The following PAMR1 variants were observed in gnomAD, a reference collection of about 807,000 sequenced individuals.
The protein encoded by PAMR1 is peptidase domain containing associated with muscle regeneration 1, also known as inactive serine protease PAMR1.
In PAMR1, 88 loss-of-function variants were observed where a neutral mutation model predicts 81.8. The ratio of observed to expected loss-of-function variants is 1.08; its 90% CI spans 0.91 to 1.28. PAMR1 has a LOEUF of 1.28. Ranked by LOEUF, PAMR1 falls within the 50% of genes most tolerant of loss-of-function variation. The probability of loss-of-function intolerance (pLI) is 0.00; values close to 1 mark genes in which losing one functional copy is unlikely to be tolerated. For missense variants in PAMR1, 935 were observed against 919.7 expected (o/e 1.02, Z -0.21); for synonymous variants, 336 against 345.3 (o/e 0.97, Z 0.30).
chr11:35,480,232 C>A (rs1565345257), intron 3 of PAMR1, among the ~76,000 whole-genome samples: 3 of 152,208 alleles, frequency 2.0e-5, no homozygotes, highest in African/African-American at 7.2e-5. Flanking sequence ...AGCCCCTCCC[C>A]ACCACCCCAT....
At chr11:35,469,925 A>C (rs1371617948) in intron 5 of PAMR1, among the ~76,000 whole-genome samples, 1 of 152,114 alleles carries the variant, frequency 6.6e-6, no homozygotes, top group Non-Finnish European at 1.5e-5. Flanking sequence ...GTTTGGTCAA[A>C]TCCTACTTCC....
chr11:35,525,703 G>C (rs1306111356), upstream of PAMR1: 20 of 794,420 alleles, frequency 2.5e-5, no homozygotes, highest in Non-Finnish European at 4.0e-5. Context: ...GGGAGCTCGG[G>C]TTTCAGCTCG....
At chr11:35,496,213 A>G (rs999122556) in intron 1 of PAMR1, among the ~76,000 whole-genome samples, 1 of 152,246 alleles carries the variant, frequency 6.6e-6, no homozygotes, top group Non-Finnish European at 1.5e-5. Context: ...GGATTTGGCT[A>G]TGGATTCTTA....
At chr11:35,497,645 G>A (rs542325570) in intron 1 of PAMR1, among the ~76,000 whole-genome samples, 2 of 152,116 alleles carry the variant, frequency 1.3e-5, no homozygotes, top group South Asian at 2.1e-4. Flanking sequence ...TCCCTTCATT[G>A]TACATTTATA....
Position 35,484,511 on chromosome 11 carries a change from A to G in PAMR1, c.379+7534T>C, listed in dbSNP as rs560017110. Among the ~76,000 whole-genome samples, 14 of 151,852 alleles carry G rather than the reference A, an allele frequency of 9.2e-5. No homozygotes were observed. The South Asian group carries it at 2.9e-3, about 32-fold the overall frequency. On this transcript the variant is annotated intron_variant, in intron 3 of 10. Transcript: ENST00000619888. ...ACACAGCTTTGTAAGCCTTCTCCCCACTCCCCTTAAGTTTGCTCTTAATCA... is the reference window on the plus strand; with the variant it reads ...ACACAGCTTTGTAAGCCTTCTCCCCGCTCCCCTTAAGTTTGCTCTTAATCA...
At position 35,479,833 on chromosome 11, in the gene PAMR1, G is replaced by A. The variant is rs894071385; in HGVS notation, c.380-5089C>T. On this transcript the variant is annotated intron_variant, in intron 3 of 10. Transcript: ENST00000619888. ...AAGTTATTTATCCCTCTGTGCCTGA[G>A]TGTCTTCATCTGTCACATGGCTGTG... 3.3e-5 allele frequency among the ~76,000 whole-genome samples: 5 copies of A among 152,236 alleles called. No individual in the cohort carries two copies. In the South Asian group the frequency reaches 8.3e-4, roughly 25 times the overall value.
intron 1 of PAMR1, among the ~76,000 whole-genome samples, chr11:35,508,551 T>G (rs2135416060): frequency 7.1e-6 from 1 of 140,922 alleles, no homozygotes; most frequent in South Asian, 2.3e-4. Context: ...TACTTTTACT[T>G]CAGGTTCAGG....
In PAMR1 at chr11:35,434,767, G is replaced by A. The variant is rs1207547117; in HGVS notation, c.1371C>T (p.Thr457=). The A allele has an allele frequency of 1.9e-6, 3 of 1,613,884 alleles. No individual in the cohort carries two copies. Among genetic ancestry groups the A allele is most frequent in the Non-Finnish European group, 2.5e-6 (3 of 1,179,996 alleles). ...CCTGCCACGGCCAGCGCAACCCTTG[G>A]GTCTTTGGAGCAGTGATGTTCTCAA... ...GKIENITAPK[T]QGLRWPWQAA... Residue 457 remains threonine (T), a synonymous_variant, in exon 10 of 11, where the codon ACC becomes ACT. Coordinates refer to ENST00000619888, the MANE Select transcript of PAMR1 (RefSeq NM_001001991.3).
At chr11:35,484,254 C>T (rs1024891801) in intron 3 of PAMR1, among the ~76,000 whole-genome samples, 5 of 152,218 alleles carry the variant, frequency 3.3e-5, no homozygotes, top group Non-Finnish European at 7.3e-5. Context: ...AACTGAGATT[C>T]ACAAAGATTG....
intron 6 of PAMR1, among the ~76,000 whole-genome samples, chr11:35,466,492 C>A (rs559159852): frequency 6.6e-6 from 1 of 152,056 alleles, no homozygotes. Flanking sequence ...CTTTGGGAGG[C>A]CGAGGCGGGT....
intron 1 of PAMR1, among the ~76,000 whole-genome samples, chr11:35,497,973 T>C (rs553635544): frequency 6.6e-6 from 1 of 152,280 alleles, no homozygotes; most frequent in Non-Finnish European, 1.5e-5. Context: ...GGCCACAGGA[T>C]GGAAATAAAC....
At chr11:35,482,904 C>T (rs1850424759) in intron 3 of PAMR1, among the ~76,000 whole-genome samples, 4 of 152,152 alleles carry the variant, frequency 2.6e-5, no homozygotes, top group African/African-American at 9.6e-5. Flanking sequence ...TTCATGTCTT[C>T]ATCCATTATA....
At position 35,434,745 on chromosome 11, in the gene PAMR1, G is replaced by T; in HGVS notation, c.1393C>A (p.Gln465Lys). 6.2e-7 allele frequency: 1 copy of T among 1,614,154 alleles called. No individual in the cohort carries two copies. Among genetic ancestry groups the T allele is most frequent in the Non-Finnish European group, 8.5e-7 (1 of 1,180,018 alleles). ...PKTQGLRWPW[Q>K]AAIYRRTSGV... is the part of the protein sequence containing the mutation. ...CTGGTCCTCCTGTAGATGGCTGCCT[G>T]CCACGGCCAGCGCAACCCTTGGGTC... The change falls in exon 10 of 11, where the codon CAG becomes AAG. Residue 465 changes from glutamine to lysine, a missense_variant. Physicochemically the swap from Gln to Lys is moderately conservative, Grantham distance 53. Transcript: ENST00000619888.
upstream of PAMR1, chr11:35,525,648 G>A (rs1442917478): frequency 6.8e-7 from 1 of 1,468,196 alleles, no homozygotes; most frequent in African/African-American, 1.4e-5. Context: ...AGGGAGGCCG[G>A]GGGCAGGCGG....
intron 3 of PAMR1, among the ~76,000 whole-genome samples, chr11:35,486,334 A>G (rs1027951335): frequency 2.6e-5 from 4 of 152,236 alleles, no homozygotes; most frequent in Non-Finnish European, 2.9e-5. Flanking sequence ...TGTTTTTTCA[A>G]TTTCATAGCA....
intron 1 of PAMR1, among the ~76,000 whole-genome samples, chr11:35,508,555 G>C (rs1356143147): frequency 8.4e-6 from 1 of 118,580 alleles, no homozygotes; most frequent in Non-Finnish European, 1.7e-5. Flanking sequence ...TTTACTTCAG[G>C]TTCAGGGGTA....
chr11:35,432,672 G>A lies in PAMR1; in HGVS notation c.1847C>T (p.Thr616Ile). The part of the protein sequence containing the change: ...DVRSPGFKND[T>I]LRSGVVSVVD... ...CACACTGACCACCCCAGAGCGCAGT[G>A]TGTCGTTCTTGAAGCCAGGGCTCCT... Residue 616 changes from threonine (T) to isoleucine (I), a missense_variant, in exon 11 of 11, where the codon ACA (threonine) becomes ATA (isoleucine). Thr to Ile is a moderately conservative substitution (Grantham distance 89). Transcript: ENST00000619888. The A allele has an allele frequency of 6.2e-7, 1 of 1,613,544 alleles. No homozygotes were observed. Among genetic ancestry groups the A allele is most frequent in the Non-Finnish European group, 8.5e-7 (1 of 1,179,490 alleles).
chr11:35,470,885 A>G, intron 4 of PAMR1, 67 bp from the exon 5 acceptor site: 1 of 1,082,024 alleles, frequency 9.2e-7, no homozygotes, highest in East Asian at 2.4e-5. Flanking sequence ...CGCTGGGCTC[A>G]TTCAAGGCCA....
chr11:35,475,675 G>T (rs1384422978), intron 3 of PAMR1, among the ~76,000 whole-genome samples: 3 of 152,070 alleles, frequency 2.0e-5, no homozygotes, highest in African/African-American at 7.2e-5. Flanking sequence ...CTCTACCTGG[G>T]GGTTGCACAC....
Sources: gnomAD v4.1 joint callset for allele counts (sites outside exome capture counted in the v4.1 genomes callset) on GRCh38, gnomAD v4.1.1 for gene constraint, MANE v1.5 for transcripts, NCBI Gene and HGNC (gene_info 2026-07-23, HGNC 2026-07-21) for gene names.